The following EPHB1 variants were observed in gnomAD, a reference collection of about 807,000 sequenced individuals.
EPHB1 encodes ephrin type-B receptor 1.
EPHB1 carries 30 observed loss-of-function variants against 94.4 expected under a neutral mutation model. The observed-to-expected ratio is 0.32, with a 90% confidence interval of 0.24 to 0.43. The LOEUF (loss-of-function observed/expected upper bound fraction) is 0.43. Among genes scored for constraint, EPHB1 ranks in the 20% least tolerant of loss-of-function variants. The pLI is 1.00. For synonymous variants in EPHB1, 522 were observed against 489.1 expected (o/e 1.07, Z -0.89); for missense variants, 1,055 against 1,308.3 (o/e 0.81, Z 2.99).
chr3:134,882,094 TAGAAA>T lies in EPHB1; in HGVS notation c.59-43715_59-43711del, dbSNP rs2037743336. The stretch of plus-strand genomic sequence containing the variant: ...AAAAGATGGGGAAAAAATTGATAAT[TAGAAA>T]AGAAAATGGAAACACTAGAGGAATC... On this transcript the variant is annotated intron_variant, in intron 1 of 15. Transcript: ENST00000398015. 2.6e-5 allele frequency among the ~76,000 whole-genome samples: 4 copies of T among 152,178 alleles called. No individual in the cohort carries two copies. In the South Asian group the frequency reaches 8.3e-4, roughly 32 times the overall value.
At chr3:135,009,218 C>G (rs561447350) in intron 3 of EPHB1, among the ~76,000 whole-genome samples, 1 of 152,154 alleles carries the variant, frequency 6.6e-6, no homozygotes, top group Non-Finnish European at 1.5e-5. Flanking sequence ...GGATTCAGTT[C>G]CCTCTGACTC....
chr3:135,082,858 G>C (rs1321331954), intron 3 of EPHB1, among the ~76,000 whole-genome samples: 1 of 152,208 alleles, frequency 6.6e-6, no homozygotes, highest in Non-Finnish European at 1.5e-5. Flanking sequence ...ATAGAGTACT[G>C]GGGGCAGGGA....
intron 3 of EPHB1, among the ~76,000 whole-genome samples, chr3:135,004,382 G>T (rs567336752): frequency 6.6e-6 from 1 of 151,894 alleles, no homozygotes; most frequent in Non-Finnish European, 1.5e-5. Flanking sequence ...CTCTCTGGCT[G>T]CCCTTAACAT....
chr3:135,038,005 G>T (rs571610468), intron 3 of EPHB1, among the ~76,000 whole-genome samples: 4 of 152,226 alleles, frequency 2.6e-5, no homozygotes, highest in Admixed American at 1.3e-4. Flanking sequence ...CCTAAGAGCC[G>T]CAGGAACATG....
At chr3:134,996,121 T>G (rs1934986291) in intron 3 of EPHB1, among the ~76,000 whole-genome samples, 1 of 152,254 alleles carries the variant, frequency 6.6e-6, no homozygotes, top group Non-Finnish European at 1.5e-5. Flanking sequence ...AATCTCCTAA[T>G]AATAATCAAC....
rs397966930 is a variant in EPHB1 at position 134,811,242 on chromosome 3, G to GTTTTTTTTTTTTTTTTT, written c.58+15558_58+15574dup. On this transcript the variant is annotated intron_variant, in intron 1 of 15. Coordinates refer to ENST00000398015, the MANE Select transcript of EPHB1 (RefSeq NM_004441.5). ...TCTCATAGTTGCCCCTACTAAGAAG[G>GTTTTTTTTTTTTTTTTT]TTTTTTTTTTTTTTTTTTTTTCTGT... 2.2e-3 allele frequency among the ~76,000 whole-genome samples: 161 copies of GTTTTTTTTTTTTTTTTT among 73,874 alleles called. 35 individuals carry two copies. The highest frequency in any genetic ancestry group is 3.6e-3 in the South Asian group (6 of 1,670). 48.5% of individuals were successfully genotyped at this position (73,874 alleles called of 152,430 possible).
chr3:134,918,723 C>A (rs36196), intron 1 of EPHB1, among the ~76,000 whole-genome samples: 86,751 of 152,034 alleles, frequency 0.57, 26,019 homozygotes, highest in South Asian at 0.75. Context: ...ACACTCCAGG[C>A]GTGTGAATGT....
At chr3:135,249,084 C>T (rs111794745) in intron 14 of EPHB1, among the ~76,000 whole-genome samples, 3,224 of 152,234 alleles carry the variant, frequency 0.021, 116 homozygotes, top group African/African-American at 0.071. Context: ...TCAGACTGAA[C>T]GCTATGTCAA....
intron 3 of EPHB1, among the ~76,000 whole-genome samples, chr3:135,039,478 G>T (rs1233221411): frequency 1.3e-5 from 2 of 152,232 alleles, no homozygotes; most frequent in South Asian, 2.1e-4. Context: ...GGAGTAGGGG[G>T]TGGTGCTCCC....
At chr3:134,822,555 A>C (rs2036402354) in intron 1 of EPHB1, among the ~76,000 whole-genome samples, 1 of 152,214 alleles carries the variant, frequency 6.6e-6, no homozygotes, top group Admixed American at 6.5e-5. Context: ...ATTCTTATTT[A>C]ACATATTGCT....
intron 1 of EPHB1, among the ~76,000 whole-genome samples, chr3:134,897,471 T>G (rs979083397): frequency 2.0e-5 from 3 of 152,266 alleles, no homozygotes; most frequent in Admixed American, 2.0e-4. Context: ...CTTAAGGCGC[T>G]CCTCACATCA....
At chr3:134,952,728 G>A (rs1451981163) in intron 3 of EPHB1, among the ~76,000 whole-genome samples, 2 of 152,150 alleles carry the variant, frequency 1.3e-5, no homozygotes, top group Admixed American at 6.5e-5. Flanking sequence ...TGCAAACTTT[G>A]CAGTTTGAAA....
intron 6 of EPHB1, among the ~76,000 whole-genome samples, chr3:135,157,358 C>T (rs1008314401): frequency 2.6e-5 from 4 of 152,224 alleles, no homozygotes; most frequent in Non-Finnish European, 5.9e-5. Flanking sequence ...TACCTTGGCT[C>T]CTTCCTCCCA....
At chr3:135,223,809 A>G (rs1943328920) in intron 12 of EPHB1, among the ~76,000 whole-genome samples, 1 of 152,236 alleles carries the variant, frequency 6.6e-6, no homozygotes, top group African/African-American at 2.4e-5. Flanking sequence ...TTGATGAATA[A>G]GTCTACACCA....
intron 3 of EPHB1, among the ~76,000 whole-genome samples, chr3:135,005,948 C>T (rs11923761): frequency 2.0e-4 from 31 of 152,250 alleles, no homozygotes; most frequent in Middle Eastern, 3.4e-3. Flanking sequence ...AGCTGTAGAC[C>T]GGAGCTGTTC....
chr3:135,165,680 T>C (rs1331134689), intron 7 of EPHB1, among the ~76,000 whole-genome samples: 1 of 152,204 alleles, frequency 6.6e-6, no homozygotes, highest in Non-Finnish European at 1.5e-5. Context: ...GACCTTCCAA[T>C]TGAGGGAATG....
At position 135,190,769 on chromosome 3, in the gene EPHB1, C is replaced by A. The variant is rs1428211143; in HGVS notation, c.1883-1807C>A. Among the ~76,000 whole-genome samples, 3 of 152,260 alleles carry A rather than the reference C, an allele frequency of 2.0e-5. No homozygotes were observed. In the South Asian group the frequency reaches 6.2e-4, roughly 32 times the overall value. ...GATAAGAATCTTCAGCAGTTTGTAA[C>A]CCAAGAGTGAGCAAGGCAAAAGCCA... On this transcript the variant is annotated intron_variant, in intron 10 of 15. Transcript: ENST00000398015.
intron 5 of EPHB1, among the ~76,000 whole-genome samples, chr3:135,147,640 T>C (rs1281777272): frequency 6.6e-6 from 1 of 152,168 alleles, no homozygotes; most frequent in Non-Finnish European, 1.5e-5. Context: ...AAAACTACTC[T>C]ACCCTGTCCA....
At chr3:135,246,679 T>C (rs2107730396) in intron 13 of EPHB1, among the ~76,000 whole-genome samples, 1 of 151,336 alleles carries the variant, frequency 6.6e-6, no homozygotes, top group Admixed American at 6.6e-5. Context: ...CCTCAGAGGA[T>C]AGCAGGGGAA....
Sources: gnomAD v4.1 joint callset for allele counts (sites outside exome capture counted in the v4.1 genomes callset) on GRCh38, gnomAD v4.1.1 for gene constraint, MANE v1.5 for transcripts, NCBI Gene and HGNC (gene_info 2026-07-23, HGNC 2026-07-21) for gene names.